ARAP2: variants seen among roughly 807,000 people sequenced by gnomAD.
ARAP2 encodes the protein arf-GAP with Rho-GAP domain, ANK repeat and PH domain-containing protein 2.
Under a neutral mutation model 194.5 loss-of-function variants are expected in ARAP2, and 148 were observed. That is an observed-to-expected ratio of 0.76 (90% CI 0.67 to 0.87). The LOEUF (loss-of-function observed/expected upper bound fraction) is 0.87. Among genes scored for constraint, ARAP2 ranks in the 40% least tolerant of loss-of-function variants. ARAP2 has a pLI of 0.00. For synonymous variants in ARAP2, 695 were observed against 683.5 expected (o/e 1.02, Z -0.26); for missense variants, 2,128 against 1,989.7 (o/e 1.07, Z -1.32).
chr4:36,014,281 G>GAAAGAAAGA, intron 8 of ARAP2, among the ~76,000 whole-genome samples: 1 of 138,970 alleles, frequency 7.2e-6, no homozygotes, highest in African/African-American at 2.7e-5. Flanking sequence ...AAGAAAGAAA[G>GAAAGAAAGA]AAAGAAAGAA....
Position 36,083,286 on chromosome 4 carries a change from A to T in ARAP2, c.4508+82T>A, listed in dbSNP as rs552766606. 18 of 990,154 alleles carry T rather than the reference A, an allele frequency of 1.8e-5. No individual in the cohort carries two copies. In the African/African-American group the frequency reaches 3.0e-4, roughly 16 times the overall value. 61.3% of individuals were successfully genotyped at this position (990,154 alleles called of 1,614,324 possible). On this transcript the variant is annotated intron_variant, in intron 29 of 32. Transcript: ENST00000303965. Reference sequence around the variant, plus strand: ...AACTTACTTTATAAAAAGTTAGACTAATGCCACTGATCCCTAAATCCTTAA... The same window carrying T: ...AACTTACTTTATAAAAAGTTAGACTTATGCCACTGATCCCTAAATCCTTAA...
intron 9 of ARAP2, among the ~76,000 whole-genome samples, chr4:36,169,032 C>T (rs994721205): frequency 6.6e-6 from 1 of 152,154 alleles, no homozygotes; most frequent in Non-Finnish European, 1.5e-5. Context: ...GGATAAACTT[C>T]CAATGCATGT....
chr4:36,008,401 A>C (rs1352470907), intron 9 of ARAP2, among the ~76,000 whole-genome samples: 1 of 152,110 alleles, frequency 6.6e-6, no homozygotes, highest in African/African-American at 2.4e-5. Flanking sequence ...ACCTATAACC[A>C]TCTGATTTTC....
At chr4:36,117,617 T>C (rs1721683470) in intron 24 of ARAP2, among the ~76,000 whole-genome samples, 1 of 151,682 alleles carries the variant, frequency 6.6e-6, no homozygotes, top group Non-Finnish European at 1.5e-5. Context: ...AAAGAGAAGA[T>C]ATGCCTGAAA....
At chr4:36,155,403 C>A (rs936787886) in intron 15 of ARAP2, among the ~76,000 whole-genome samples, 1 of 152,106 alleles carries the variant, frequency 6.6e-6, no homozygotes. Flanking sequence ...AACTAGGGGG[C>A]ACTGAATTGA....
intron 2 of ARAP2, among the ~76,000 whole-genome samples, chr4:36,056,839 A>G (rs1171049572): frequency 2.6e-5 from 4 of 152,160 alleles, no homozygotes; most frequent in African/African-American, 9.6e-5. Flanking sequence ...CATCCTTGAC[A>G]TTGTAACTAA....
At position 36,158,718 on chromosome 4, in the gene ARAP2, G is replaced by T. The variant is rs1546495; in HGVS notation, c.2752+12C>A. On this transcript the variant is annotated intron_variant, in intron 15 of 32. Transcript: ENST00000303965. ...TTTATCTGATAATATCTAAAAAGAA[G>T]AGAAAAAATACCTTCAAGCAGTTTT... is the stretch of plus-strand genomic sequence containing the variant. The T allele has an allele frequency of 0.82, 1,298,855 of 1,583,978 alleles. 533,361 individuals are homozygous for T. The highest frequency in any genetic ancestry group is 0.91 in the East Asian group (40,607 of 44,480).
intron 9 of ARAP2, chr4:36,007,128 A>C (rs945389218): frequency 1.3e-5 from 2 of 152,178 alleles, no homozygotes; most frequent in Admixed American, 6.5e-5. Flanking sequence ...AAATATCTAA[A>C]CATGATGGAA....
intron 6 of ARAP2, among the ~76,000 whole-genome samples, chr4:36,200,438 A>G (rs1744129267): frequency 6.6e-6 from 1 of 151,984 alleles, no homozygotes; most frequent in Non-Finnish European, 1.5e-5. Flanking sequence ...TATTTTTAGT[A>G]GAGATGGGGT....
At chr4:36,061,723 TC>T, downstream of ARAP2, among the ~76,000 whole-genome samples, 1 of 152,324 alleles carries the variant, frequency 6.6e-6, no homozygotes, top group East Asian at 1.9e-4. Context: ...ACTTTTAGTT[TC>T]TTGAGGAACC....
intron 3 of ARAP2, 79 bp downstream of exon 3, chr4:36,214,343 C>T: frequency 5.7e-6 from 7 of 1,230,296 alleles, no homozygotes; most frequent in African/African-American, 1.5e-5. Context: ...GGTGGGCTGC[C>T]TTCGCAATCA....
chr4:36,045,917 G>A (rs577298629), intron 5 of ARAP2: 21 of 151,696 alleles, frequency 1.4e-4, no homozygotes, highest in Non-Finnish European at 2.8e-4. Flanking sequence ...GATAAGAGGG[G>A]GACAATTGTC....
At chr4:36,009,322 T>C (rs537581110) in intron 9 of ARAP2, among the ~76,000 whole-genome samples, 1 of 152,184 alleles carries the variant, frequency 6.6e-6, no homozygotes, top group Non-Finnish European at 1.5e-5. Flanking sequence ...ATTTTTAAAA[T>C]GTGGTACATA....
chr4:36,108,192 C>T (rs1055964087), intron 26 of ARAP2, among the ~76,000 whole-genome samples: 3 of 151,932 alleles, frequency 2.0e-5, no homozygotes, highest in African/African-American at 7.2e-5. Context: ...AACCACCATC[C>T]CCATCCTCTA....
intron 6 of ARAP2, among the ~76,000 whole-genome samples, chr4:36,199,409 A>T (rs1743893229): frequency 6.6e-6 from 1 of 152,176 alleles, no homozygotes; most frequent in Admixed American, 6.5e-5. Context: ...CTTCTGCCTC[A>T]GCTGACGGAG....
chr4:36,216,295 A>G (rs1341914721), intron 2 of ARAP2, among the ~76,000 whole-genome samples: 1 of 152,182 alleles, frequency 6.6e-6, no homozygotes, highest in East Asian at 1.9e-4. Context: ...AAATGCAAAT[A>G]GTTGTATCAC....
In ARAP2 at chr4:36,148,588, A is replaced by C. The variant is rs1258524396; in HGVS notation, c.2898-81T>G. The C allele has an allele frequency of 4.2e-6, 4 of 961,724 alleles. No individual in the cohort carries two copies. The East Asian group carries it at 1.0e-4, about 25-fold the overall frequency. The allele number at this position is 961,724 out of a possible 1,614,324, so 59.6% of individuals were successfully genotyped here. A position where few individuals can be genotyped will look rare whatever the true frequency, so the allele number is the denominator to read the frequency against. The stretch of plus-strand genomic sequence containing the variant: ...TGAATAACACAAAGGTCATGTTTTT[A>C]ATTAAATTCCTTTTAAAATAAACTA... On this transcript the variant is annotated intron_variant, in intron 16 of 32. Transcript: ENST00000303965.
Position 36,133,378 on chromosome 4 carries a change from A to T in ARAP2, c.3275T>A (p.Ile1092Asn), listed in dbSNP as rs1294258871. The T allele has an allele frequency of 6.2e-7, 1 of 1,609,218 alleles. No individual in the cohort carries two copies. The highest frequency in any genetic ancestry group is 8.5e-7 in the Non-Finnish European group (1 of 1,177,456). ...GAAATCCAACTTGGTATGCCCATGG[A>T]TGTATAATGTTCTGTAAAGTTTAAA... is the stretch of plus-strand genomic sequence containing the variant. ...LLVEKGRTLYIHGHTKLDFTV... is the reference protein window; with the variant it reads ...LLVEKGRTLYNHGHTKLDFTV... Residue 1092 changes from isoleucine (I) to asparagine (N), a missense_variant, in exon 20 of 33, where the codon ATC becomes AAC. By Grantham distance (149) the Ile-to-Asn change is moderately radical. Transcript: ENST00000303965.
chr4:36,071,683 T>C (rs931157852), intron 32 of ARAP2, among the ~76,000 whole-genome samples: 1 of 40,352 alleles, frequency 2.5e-5, no homozygotes, highest in African/African-American at 6.3e-5. Flanking sequence ...TTTTTTTGAG[T>C]TTTTTTTTAA....
Sources: gnomAD v4.1 joint callset for allele counts (sites outside exome capture counted in the v4.1 genomes callset) on GRCh38, gnomAD v4.1.1 for gene constraint, MANE v1.5 for transcripts, NCBI Gene and HGNC (gene_info 2026-07-23, HGNC 2026-07-21) for gene names.